The following ACSBG2 variants were observed in gnomAD, a reference collection of about 807,000 sequenced individuals.
ACSBG2 encodes acyl-CoA synthetase bubblegum family member 2.
ACSBG2 carries 62 observed loss-of-function variants against 74.7 expected under a neutral mutation model. That is an observed-to-expected ratio of 0.83 (90% confidence interval 0.68 to 1.03). The LOEUF (loss-of-function observed/expected upper bound fraction) is 1.03, where lower values mean the gene tolerates loss of function less well. Ranked by LOEUF, ACSBG2 falls within the 50% of genes least tolerant of loss-of-function variation. The probability of loss-of-function intolerance (pLI) is 0.00; values close to 1 mark genes in which losing one functional copy is unlikely to be tolerated. For missense variants in ACSBG2, 730 were observed against 817.6 expected, an observed-to-expected ratio of 0.89 and a Z score of 1.31; for synonymous variants, 309 against 294.1, an observed-to-expected ratio of 1.05 and a Z score of -0.52.
rs1217373333 is a variant in ACSBG2 at position 6,181,816 on chromosome 19, C to T, written c.907-935C>T. The stretch of plus-strand genomic sequence containing the variant: ...TGCATTTGAATAGTCCCCACCCGCC[C>T]CCCCCCCCAACGAAATTTCCTTGGC... On this transcript the variant is annotated intron_variant, in intron 8 of 14. Transcript: ENST00000588485. 1.2e-4 allele frequency among the ~76,000 whole-genome samples: 13 copies of T among 107,330 alleles called. 1 individual carries two copies. The highest frequency in any genetic ancestry group is 1.1e-4 in the Non-Finnish European group (6 of 55,038). The allele number at this position is 107,330 out of a possible 152,430, so 70.4% of individuals were successfully genotyped here.
Position 6,147,484 on chromosome 19 carries a change from G to A in ACSBG2, c.106G>A (p.Val36Ile). 6.2e-7 allele frequency: 1 copy of A among 1,614,200 alleles called. No individual in the cohort carries two copies. The highest frequency in any genetic ancestry group is 8.5e-7 in the Non-Finnish European group (1 of 1,180,024). Reference sequence around the variant, plus strand: ...GTGGACCACCTGTCGAGATGGAGAAGTCCTTCTGAGGCTATCCAAACACGG... The same window carrying A: ...GTGGACCACCTGTCGAGATGGAGAAATCCTTCTGAGGCTATCCAAACACGG... ...RLWTTCRDGEVLLRLSKHGPG... is the reference protein window; with the variant it reads ...RLWTTCRDGEILLRLSKHGPG... The change falls in exon 3 of 15, where the codon GTC (valine) becomes ATC (isoleucine). Residue 36 changes from valine (V) to isoleucine (I), a missense_variant. By Grantham distance (29) the Val-to-Ile change is conservative. Transcript: ENST00000588485.
intron 6 of ACSBG2, among the ~76,000 whole-genome samples, chr19:6,161,840 C>T (rs536839551): frequency 7.9e-5 from 12 of 152,120 alleles, no homozygotes; most frequent in African/African-American, 2.4e-4. Flanking sequence ...CTAATTACTG[C>T]TGGGCAACAA....
At chr19:6,178,749 C>T in intron 8 of ACSBG2, among the ~76,000 whole-genome samples, 1 of 152,222 alleles carries the variant, frequency 6.6e-6, no homozygotes, top group African/African-American at 2.4e-5. Flanking sequence ...AGGTTGGGTA[C>T]CCTAGAAGCA....
chr19:6,137,642 GTATTTATTTATT>G (rs902962168), intron 1 of ACSBG2, among the ~76,000 whole-genome samples: 1 of 151,870 alleles, frequency 6.6e-6, no homozygotes, highest in Non-Finnish European at 1.5e-5. Flanking sequence ...ATGTATTTAT[GTATTTATTTATT>G]TATTTATTTT....
intron 8 of ACSBG2, 99 bp from the exon 9 acceptor site, chr19:6,182,652 G>C: frequency 8.5e-7 from 1 of 1,182,438 alleles, no homozygotes; most frequent in Non-Finnish European, 1.2e-6. Context: ...GATCAGTGAA[G>C]GAATGTTCTC....
intron 14 of ACSBG2, chr19:6,190,893 T>A: frequency 2.2e-6 from 1 of 461,372 alleles, no homozygotes. Flanking sequence ...CTTCAACTCA[T>A]GCTGTCTCTA....
chr19:6,141,366 C>T (rs746164488), intron 1 of ACSBG2, 147 bp from the exon 2 acceptor site: 2 of 568,042 alleles, frequency 3.5e-6, no homozygotes, highest in Non-Finnish European at 6.4e-6. Context: ...GCATGCCGGC[C>T]ACTCTCCTCT....
chr19:6,152,551 A>AT (rs746612699), intron 4 of ACSBG2, among the ~76,000 whole-genome samples: 4,347 of 20,262 alleles, frequency 0.21, 1,256 homozygotes, highest in African/African-American at 0.39. Context: ...CGGCCTCCCA[A>AT]TTTTTTTTTT....
At chr19:6,179,458 C>A (rs910427133) in intron 8 of ACSBG2, among the ~76,000 whole-genome samples, 3 of 151,992 alleles carry the variant, frequency 2.0e-5, no homozygotes, top group Non-Finnish European at 4.4e-5. Context: ...TGCCACCATG[C>A]CTGACTAATT....
chr19:6,185,781 C>T (rs1600133288), intron 11 of ACSBG2, 128 bp downstream of exon 11: 1 of 934,672 alleles, frequency 1.1e-6, no homozygotes, highest in East Asian at 2.5e-5. Context: ...TGCAGAAACT[C>T]CTCAGTCTGT....
chr19:6,146,679 C>T (rs895321949), intron 2 of ACSBG2, among the ~76,000 whole-genome samples: 2 of 151,888 alleles, frequency 1.3e-5, no homozygotes, highest in African/African-American at 4.8e-5. Flanking sequence ...GCAGGAAAAA[C>T]GCTTGAACCC....
At chr19:6,166,164 G>C (rs1004632247) in intron 7 of ACSBG2, 149 bp downstream of exon 7, 94 of 996,262 alleles carry the variant, frequency 9.4e-5, no homozygotes, top group Non-Finnish European at 1.3e-4. Flanking sequence ...GCTTCACTAG[G>C]GGGCAGCAGA....
chr19:6,182,998 C>T, intron 9 of ACSBG2, 41 bp from the exon 10 acceptor site: 4 of 1,612,614 alleles, frequency 2.5e-6, no homozygotes, highest in Non-Finnish European at 3.4e-6. Context: ...TCCAGTGGGT[C>T]CCATCAGCCC....
intron 3 of ACSBG2, among the ~76,000 whole-genome samples, chr19:6,149,055 C>T (rs1353793565): frequency 2.0e-5 from 3 of 152,086 alleles, no homozygotes; most frequent in South Asian, 4.2e-4. Flanking sequence ...TGCAGTGAGC[C>T]GAGATTGTGC....
chr19:6,181,300 A>G (rs1362507643), intron 8 of ACSBG2, among the ~76,000 whole-genome samples: 2 of 148,078 alleles, frequency 1.4e-5, no homozygotes, highest in Non-Finnish European at 3.0e-5. Flanking sequence ...GGGAGGGGAG[A>G]AAGAAGGAAA....
chr19:6,185,783 TCA>T (rs1300956533), intron 11 of ACSBG2, 130 bp downstream of exon 11: 1 of 913,194 alleles, frequency 1.1e-6, no homozygotes, highest in African/African-American at 1.7e-5. Context: ...CAGAAACTCC[TCA>T]GTCTGTACAA....
At chr19:6,164,784 G>A (rs2089743494) in intron 6 of ACSBG2, among the ~76,000 whole-genome samples, 1 of 152,146 alleles carries the variant, frequency 6.6e-6, no homozygotes, top group Admixed American at 6.5e-5. Flanking sequence ...TTTGTTGGGG[G>A]TTCAATGGTA....
chr19:6,163,836 A>C (rs1235592787), intron 6 of ACSBG2, among the ~76,000 whole-genome samples: 1 of 148,932 alleles, frequency 6.7e-6, no homozygotes, highest in Non-Finnish European at 1.5e-5. Context: ...TGTCCAAGCT[A>C]CTCGGGAGGC....
chr19:6,146,123 G>A (rs907807226), intron 2 of ACSBG2, among the ~76,000 whole-genome samples: 1 of 152,124 alleles, frequency 6.6e-6, no homozygotes, highest in African/African-American at 2.4e-5. Context: ...TACATGCAAG[G>A]GTGTTTAAGG....
Sources: allele counts gnomAD v4.1 joint callset (sites outside exome capture counted in the v4.1 genomes callset), GRCh38; gene constraint gnomAD v4.1.1; transcripts MANE v1.5; gene names NCBI Gene and HGNC (gene_info 2026-07-23, HGNC 2026-07-21).